INPP5A: variants seen among roughly 807,000 people sequenced by gnomAD.
INPP5A encodes 43 kDa inositol polyphosphate 5-phophatase.
Under a neutral mutation model 65.2 loss-of-function variants are expected in INPP5A, and 14 were observed. The observed-to-expected ratio is 0.21, with a 90% confidence interval of 0.14 to 0.34. The LOEUF is 0.34. Among genes scored for constraint, INPP5A ranks in the 10% least tolerant of loss-of-function variants. The probability of loss-of-function intolerance (pLI) is 1.00; values close to 1 mark genes in which losing one functional copy is unlikely to be tolerated. For synonymous variants in INPP5A, 207 were observed against 208.3 expected (o/e 0.99, Z 0.05); for missense variants, 431 against 545.6 (o/e 0.79, Z 2.09).
At chr10:132,602,978 T>G (rs1418932419) in intron 1 of INPP5A, among the ~76,000 whole-genome samples, 1 of 152,268 alleles carries the variant, frequency 6.6e-6, no homozygotes, top group Non-Finnish European at 1.5e-5. Flanking sequence ...AAGTCTTATG[T>G]TCATATCTTC....
At chr10:132,596,657 C>T (rs1590855650) in intron 1 of INPP5A, among the ~76,000 whole-genome samples, 1 of 152,158 alleles carries the variant, frequency 6.6e-6, no homozygotes, top group Non-Finnish European at 1.5e-5. Flanking sequence ...CTTGAGAATT[C>T]CTGACCTCGT....
At chr10:132,736,939 G>T (rs1003107660) in intron 9 of INPP5A, among the ~76,000 whole-genome samples, 1 of 152,242 alleles carries the variant, frequency 6.6e-6, no homozygotes, top group Non-Finnish European at 1.5e-5. Flanking sequence ...TGATCCCTCA[G>T]CCGTGGGCAC....
chr10:132,579,605 G>A (rs945074249), intron 1 of INPP5A, among the ~76,000 whole-genome samples: 15 of 152,146 alleles, frequency 9.9e-5, no homozygotes, highest in African/African-American at 3.4e-4. Context: ...GTGCTTCTGC[G>A]GCTGGCTCCA....
chr10:132,635,593 C>CT (rs1279078184), intron 2 of INPP5A, among the ~76,000 whole-genome samples: 1 of 151,556 alleles, frequency 6.6e-6, no homozygotes, highest in Non-Finnish European at 1.5e-5. Flanking sequence ...GATGGGGTTT[C>CT]ACTGTGTTAG....
chr10:132,666,142 T>G (rs2072798824), intron 4 of INPP5A, among the ~76,000 whole-genome samples: 1 of 148,648 alleles, frequency 6.7e-6, no homozygotes, highest in Non-Finnish European at 1.5e-5. Context: ...GTGCCTGGCC[T>G]TTACTCAGCG....
At chr10:132,712,044 G>C (rs1003583236) in intron 8 of INPP5A, among the ~76,000 whole-genome samples, 3 of 152,222 alleles carry the variant, frequency 2.0e-5, no homozygotes, top group African/African-American at 7.2e-5. Context: ...AGAGTCCTAT[G>C]AGAGGCACCC....
chr10:132,587,815 A>G lies in INPP5A; in HGVS notation c.76-20100A>G, dbSNP rs2071564388. On this transcript the variant is annotated intron_variant, in intron 1 of 15. Coordinates refer to ENST00000368594, the MANE Select transcript of INPP5A (RefSeq NM_005539.5). The surrounding 1 kb of genome is among the most constrained non-coding windows in gnomAD (Gnocchi z 4.3). ...TATCTGAGGCCAGGAATTCGTGACT[A>G]GCCTGACCAACATGGTGAAATCCCG... Among the ~76,000 whole-genome samples the G allele has an allele frequency of 6.6e-6, 1 of 151,814 alleles. No individual in the cohort carries two copies. Among genetic ancestry groups the G allele is most frequent in the South Asian group, 2.1e-4 (1 of 4,810 alleles).
In INPP5A at chr10:132,706,433, T is replaced by C. The variant is rs539599203; in HGVS notation, c.475-1880T>C. ...ACCCATACCTGGATGGCAGTGAAGC[T>C]TCAGAATATTGATGACAAAGAGAAA... On this transcript the variant is annotated intron_variant, in intron 6 of 15. Coordinates refer to ENST00000368594, the MANE Select transcript of INPP5A (RefSeq NM_005539.5). This position sits in a 1 kb window ranked among gnomAD's most constrained non-coding sequence, Gnocchi z 4.7. Among the ~76,000 whole-genome samples the C allele has an allele frequency of 3.3e-5, 5 of 152,226 alleles. No individual in the cohort carries two copies. The highest frequency in any genetic ancestry group is 4.8e-5 in the African/African-American group (2 of 41,450).
At chr10:132,614,843 C>G (rs1457790719) in intron 2 of INPP5A, among the ~76,000 whole-genome samples, 1 of 152,258 alleles carries the variant, frequency 6.6e-6, no homozygotes, top group Admixed American at 6.5e-5. Context: ...CCCTTCTATC[C>G]TACAAGGACA....
At chr10:132,711,588 C>T (rs1016310792) in intron 8 of INPP5A, among the ~76,000 whole-genome samples, 3 of 152,168 alleles carry the variant, frequency 2.0e-5, no homozygotes, top group African/African-American at 7.2e-5. Context: ...GCCCAGCCCC[C>T]GTGCGTGCAG....
intron 11 of INPP5A, among the ~76,000 whole-genome samples, chr10:132,752,398 G>T (rs1290009013): frequency 6.6e-6 from 1 of 150,976 alleles, no homozygotes; most frequent in Non-Finnish European, 1.5e-5. Flanking sequence ...CCCAGCCGGG[G>T]CTGCGTGGAG....
At chr10:132,779,120 G>A (rs527819309) in intron 13 of INPP5A, among the ~76,000 whole-genome samples, 27 of 152,378 alleles carry the variant, frequency 1.8e-4, no homozygotes, top group African/African-American at 5.5e-4. Context: ...TGGCTCCTCC[G>A]CAGCCCCACC....
Position 132,691,044 on chromosome 10 carries a change from C to A in INPP5A, c.370+589C>A, listed in dbSNP as rs988201597. Reference sequence around the variant, plus strand: ...CCTGCTGTGTGTGAGTTCTCAGAACCCCACGCGGCCTCCGGAGCAGATGAC... The same window carrying A: ...CCTGCTGTGTGTGAGTTCTCAGAACACCACGCGGCCTCCGGAGCAGATGAC... On this transcript the variant is annotated intron_variant, in intron 5 of 15. Transcript: ENST00000368594. Among the ~76,000 whole-genome samples the A allele has an allele frequency of 2.0e-5, 3 of 152,210 alleles. No individual in the cohort carries two copies. In the South Asian group the frequency reaches 6.2e-4, roughly 32 times the overall value.
In INPP5A at chr10:132,781,909, G is replaced by C. The variant is rs746443823; in HGVS notation, c.1207G>C (p.Ala403Pro). The change falls in exon 15 of 16, where the codon GCC becomes CCC. Residue 403 changes from alanine to proline, a missense_variant. Coordinates refer to ENST00000368594, the MANE Select transcript of INPP5A (RefSeq NM_005539.5). ...CATGCCCGGGGCAGGTAAACCTCAT[G>C]CCCATGTGCACAAGTGTTGTGTCGT... ...RIMPGAGKPHAHVHKCCVVQ is the reference protein window; with the variant it reads ...RIMPGAGKPHPHVHKCCVVQ 5 of 1,613,898 alleles carry C rather than the reference G, an allele frequency of 3.1e-6. No homozygotes were observed. Among genetic ancestry groups the C allele is most frequent in the Non-Finnish European group, 4.2e-6 (5 of 1,180,010 alleles).
rs905452345 is a variant in INPP5A, at chr10:132,727,021, C to T, written c.732+116C>T. ...TCAATGCCATCCGCCTCCCGGGATG[C>T]ACTTTTTAAGGCAAAACCTTTCAAT... is the stretch of plus-strand genomic sequence containing the variant. On this transcript the variant is annotated intron_variant, in intron 9 of 15. Coordinates refer to ENST00000368594, the MANE Select transcript of INPP5A (RefSeq NM_005539.5). The surrounding 1 kb of genome is among the most constrained non-coding windows in gnomAD (Gnocchi z 6.5). 58 of 629,926 alleles carry T rather than the reference C, an allele frequency of 9.2e-5. No homozygotes were observed. Among genetic ancestry groups the T allele is most frequent in the Admixed American group, 1.3e-4 (4 of 31,148 alleles). 39.0% of individuals were successfully genotyped at this position (629,926 alleles called of 1,614,324 possible).
chr10:132,680,044 G>C (rs547474786), intron 4 of INPP5A, among the ~76,000 whole-genome samples: 14 of 152,206 alleles, frequency 9.2e-5, no homozygotes, highest in Non-Finnish European at 1.8e-4. Flanking sequence ...TGGATTTGGC[G>C]ATGATTTCTC....
intron 2 of INPP5A, among the ~76,000 whole-genome samples, chr10:132,609,981 T>C (rs1020179778): frequency 6.6e-6 from 1 of 152,228 alleles, no homozygotes; most frequent in Non-Finnish European, 1.5e-5. Context: ...ATTTTAATTA[T>C]ATTTAAATTT....
chr10:132,680,226 A>T (rs559009582), intron 4 of INPP5A, among the ~76,000 whole-genome samples: 2 of 152,360 alleles, frequency 1.3e-5, no homozygotes, highest in East Asian at 3.9e-4. Flanking sequence ...ACTATCCAGA[A>T]TATATAGAGA....
At chr10:132,540,953 A>G (rs989215154) in intron 1 of INPP5A, among the ~76,000 whole-genome samples, 1 of 152,112 alleles carries the variant, frequency 6.6e-6, no homozygotes, top group Non-Finnish European at 1.5e-5. Flanking sequence ...TTGCTTTTGC[A>G]GTTTTGAAAG....
Sources: gnomAD v4.1 joint callset for allele counts (sites outside exome capture counted in the v4.1 genomes callset) on GRCh38, gnomAD v4.1.1 for gene constraint, Gnocchi (gnomAD v3.1) non-coding constraint, MANE v1.5 for transcripts, NCBI Gene and HGNC (gene_info 2026-07-23, HGNC 2026-07-21) for gene names.